NOS1: variants seen among roughly 807,000 people sequenced by gnomAD.
NOS1 encodes the protein nitric oxide synthase 1, also known as NOS type I.
Under a neutral mutation model 164.5 loss-of-function variants are expected in NOS1, and 51 were observed. The observed-to-expected ratio is 0.31, with a 90% CI of 0.25 to 0.39. NOS1 has a LOEUF of 0.39. Ranked by LOEUF, NOS1 falls within the 10% of genes least tolerant of loss-of-function variation. The probability of loss-of-function intolerance (pLI) is 1.00; values close to 1 mark genes in which losing one functional copy is unlikely to be tolerated. For missense variants in NOS1, 1,362 were observed against 1,885.6 expected (o/e 0.72, Z 5.14); for synonymous variants, 719 against 745.8 (o/e 0.96, Z 0.59).
At chr12:117,263,679 T>C (rs1355604221) in intron 13 of NOS1, among the ~76,000 whole-genome samples, 1 of 150,984 alleles carries the variant, frequency 6.6e-6, no homozygotes, top group Non-Finnish European at 1.5e-5. Context: ...AGGAAACCAG[T>C]GTGAGGAAAG....
chr12:117,294,044 T>C (rs1240574583), intron 3 of NOS1, among the ~76,000 whole-genome samples: 1 of 152,156 alleles, frequency 6.6e-6, no homozygotes, highest in Non-Finnish European at 1.5e-5. Context: ...CCTCTGATTG[T>C]GCCCACAACC....
chr12:117,267,947 C>T, intron 11 of NOS1, 96 bp downstream of exon 11: 1 of 839,228 alleles, frequency 1.2e-6, no homozygotes, highest in Non-Finnish European at 2.0e-6. Context: ...AAGGTGGTTT[C>T]TGGCAGTGAG....
rs1212995212 is a variant in NOS1 at position 117,268,700 on chromosome 12, C to T, written c.1840-556G>A. On this transcript the variant is annotated intron_variant, in intron 10 of 28. Transcript: ENST00000317775. The stretch of plus-strand genomic sequence containing the variant: ...CGCCTCTTGGGTTCATGCCATTCTC[C>T]TGCCTTAGCCTCCTGAGTAGCTGGG... Among the ~76,000 whole-genome samples, 6 of 151,332 alleles carry T rather than the reference C, an allele frequency of 4.0e-5. No homozygotes were observed. In the East Asian group the frequency reaches 9.7e-4, roughly 25 times the overall value.
Position 117,260,087 on chromosome 12 carries a change from C to G in NOS1, c.2367+378G>C, listed in dbSNP as rs546070670. ...TGAGCCGAGATCGCGCCACTGCACT[C>G]CAGCCTGGGTGACAGAGTGAAACTC... On this transcript the variant is annotated intron_variant, in intron 14 of 28. Coordinates refer to ENST00000317775, the MANE Select transcript of NOS1 (RefSeq NM_000620.5). 2.0e-5 allele frequency among the ~76,000 whole-genome samples: 3 copies of G among 148,964 alleles called. No homozygotes were observed. The South Asian group carries it at 6.4e-4, about 32-fold the overall frequency.
chr12:117,235,139 A>C (rs1869596932), intron 20 of NOS1, among the ~76,000 whole-genome samples: 1 of 151,994 alleles, frequency 6.6e-6, no homozygotes, highest in Non-Finnish European at 1.5e-5. Context: ...GCTGGTCTCA[A>C]ACTTGTGAGC....
intron 1 of NOS1, among the ~76,000 whole-genome samples, chr12:117,341,851 T>C (rs1441986295): frequency 6.6e-6 from 1 of 152,136 alleles, no homozygotes; most frequent in Admixed American, 6.5e-5. Flanking sequence ...TGGGATAATT[T>C]AAATGGAAGT....
intron 1 of NOS1, among the ~76,000 whole-genome samples, chr12:117,358,134 C>T (rs563443787): frequency 1.5e-4 from 23 of 152,276 alleles, no homozygotes; most frequent in East Asian, 5.8e-4. Context: ...AGATTGTGAG[C>T]GCAACAGGCA....
At chr12:117,321,258 C>T (rs1210723404) in intron 2 of NOS1, among the ~76,000 whole-genome samples, 1 of 152,220 alleles carries the variant, frequency 6.6e-6, no homozygotes, top group Non-Finnish European at 1.5e-5. Context: ...GATCCACCCG[C>T]CTCGGCCTCC....
intron 3 of NOS1, among the ~76,000 whole-genome samples, chr12:117,303,879 T>C (rs1256263710): frequency 1.3e-5 from 2 of 152,120 alleles, no homozygotes; most frequent in African/African-American, 2.4e-5. Flanking sequence ...TAACAGCCTT[T>C]AGGATGATGT....
chr12:117,258,853 G>A (rs972246705), intron 15 of NOS1, among the ~76,000 whole-genome samples, 173 bp downstream of exon 15: 1 of 152,204 alleles, frequency 6.6e-6, no homozygotes, highest in Non-Finnish European at 1.5e-5. Flanking sequence ...AGTAGACTGA[G>A]TACTTGGAAT....
In NOS1 at chr12:117,302,866, C is replaced by T. The variant is rs534450493; in HGVS notation, c.852+8600G>A. Among the ~76,000 whole-genome samples the T allele has an allele frequency of 4.8e-3, 725 of 152,182 alleles. 3 individuals carry two copies. Among genetic ancestry groups the T allele is most frequent in the African/African-American group, 0.017 (702 of 41,530 alleles). On this transcript the variant is annotated intron_variant, in intron 3 of 28. Transcript: ENST00000317775. Reference sequence around the variant, plus strand: ...GTTCAAGCAATTCCCCCGCCTCAGCCTCCTGAGTAGCTGGGACTACAGGCA... The same window carrying T: ...GTTCAAGCAATTCCCCCGCCTCAGCTTCCTGAGTAGCTGGGACTACAGGCA...
chr12:117,276,220 TTA>T (rs2136003534), intron 9 of NOS1, among the ~76,000 whole-genome samples: 1 of 152,306 alleles, frequency 6.6e-6, no homozygotes, highest in East Asian at 1.9e-4. Flanking sequence ...AAACATACAA[TTA>T]TGTTATTATT....
intron 1 of NOS1, among the ~76,000 whole-genome samples, chr12:117,341,070 TA>T (rs554578357): frequency 1.5e-3 from 229 of 152,150 alleles, no homozygotes; most frequent in African/African-American, 5.1e-3. Flanking sequence ...ATAGACTAGG[TA>T]AGTGCCCAGG....
intron 17 of NOS1, among the ~76,000 whole-genome samples, chr12:117,249,157 G>A (rs926621338): frequency 2.0e-5 from 3 of 152,086 alleles, no homozygotes; most frequent in Non-Finnish European, 4.4e-5. Context: ...CTCAGTCTGT[G>A]GTATTTTGTT....
intron 1 of NOS1, among the ~76,000 whole-genome samples, chr12:117,337,020 T>G (rs1875852611): frequency 6.6e-6 from 1 of 151,736 alleles, no homozygotes; most frequent in Non-Finnish European, 1.5e-5. Context: ...GGTCTTGAAC[T>G]CATGGGCTTG....
rs2136098657 is a variant in NOS1 at position 117,356,436 on chromosome 12, G to A, written c.-421+5076C>T. ...TCCTCCCTGATTCCTTCAACCACCT[G>A]TCCTGGGTCCTACCACAGCACCTCA... On this transcript the variant is annotated intron_variant, in intron 1 of 28. Coordinates refer to ENST00000317775, the MANE Select transcript of NOS1 (RefSeq NM_000620.5). This position sits in a 1 kb window ranked among gnomAD's most constrained non-coding sequence, Gnocchi z 4.2. Among the ~76,000 whole-genome samples, 1 of 152,258 alleles carries A rather than the reference G, an allele frequency of 6.6e-6. No individual in the cohort carries two copies. Among genetic ancestry groups the A allele is most frequent in the African/African-American group, 2.4e-5 (1 of 41,562 alleles).
intron 20 of NOS1, among the ~76,000 whole-genome samples, chr12:117,239,332 C>T (rs1011489679): frequency 6.6e-6 from 1 of 152,236 alleles, no homozygotes; most frequent in African/African-American, 2.4e-5. Context: ...AAAGCCCACC[C>T]TCCCTTAAGA....
chr12:117,226,714 C>A lies in NOS1; in HGVS notation c.3673G>T (p.Ala1225Ser). The change falls in exon 24 of 29, where the codon GCT becomes TCT. Residue 1225 changes from alanine (A) to serine (S), a missense_variant. By Grantham distance (99) the Ala-to-Ser change is moderately conservative. Transcript: ENST00000317775. ...VCSSWLNRIQ[A>S]DELVPCFVRG... ...ACGAAACAGGGGACCAGTTCGTCAG[C>A]CTGTATCCGGTTGAGCCAGGAGGAG... 6.2e-7 allele frequency: 1 copy of A among 1,614,058 alleles called. No individual in the cohort carries two copies. Among genetic ancestry groups the A allele is most frequent in the African/African-American group, 1.3e-5 (1 of 75,018 alleles).
In NOS1 at chr12:117,330,585, G is replaced by C; in HGVS notation, c.485C>G (p.Ala162Gly). The change falls in exon 2 of 29, where the codon GCC becomes GGC. Residue 162 changes from alanine to glycine, a missense_variant. Ala to Gly is a moderately conservative substitution (Grantham distance 60). Around this residue, in one of 4 missense-constraint regions of NOS1, gnomAD observed 362 missense variants for 402.0 expected, o/e 0.90. Transcript: ENST00000317775. This position sits in a 1 kb window ranked among gnomAD's most constrained non-coding sequence, Gnocchi z 4.6. ...ASGPGNGPQHAYDDGQEAGSL... is the reference protein window; with the variant it reads ...ASGPGNGPQHGYDDGQEAGSL... ...GCCAGCCTCCTGCCCATCATCGTAG[G>C]CATGCTGAGGCCCATTCCCGGGACC... 1 of 1,612,842 alleles carries C rather than the reference G, an allele frequency of 6.2e-7. No individual in the cohort carries two copies. Among genetic ancestry groups the C allele is most frequent in the Non-Finnish European group, 8.5e-7 (1 of 1,179,582 alleles).
Sources: allele counts gnomAD v4.1 joint callset (sites outside exome capture counted in the v4.1 genomes callset), GRCh38; gene constraint gnomAD v4.1.1; regional missense constraint gnomAD v4.1.1; non-coding constraint Gnocchi (gnomAD v3.1); transcripts MANE v1.5; gene names NCBI Gene and HGNC (gene_info 2026-07-23, HGNC 2026-07-21).